Variants in CHD9 observed in about 807,000 individuals in gnomAD.
CHD9 encodes ATP-dependent chromatin remodeler CHD9.
A neutral mutation model predicts 316.1 loss-of-function variants in CHD9; 77 were observed. The ratio of observed to expected loss-of-function variants is 0.24; its 90% CI spans 0.20 to 0.29. The LOEUF is 0.29. Among genes scored for constraint, CHD9 ranks in the 10% least tolerant of loss-of-function variants. The pLI is 1.00. For synonymous variants in CHD9, 1,129 were observed against 1,158.3 expected, an observed-to-expected ratio of 0.97 and a Z score of 0.51; for missense variants, 2,763 against 3,438.1, an observed-to-expected ratio of 0.80 and a Z score of 4.91.
At chr16:53,215,165 C>T (rs1229482219) in intron 3 of CHD9, among the ~76,000 whole-genome samples, 1 of 152,182 alleles carries the variant, frequency 6.6e-6, no homozygotes, top group South Asian at 2.1e-4. Context: ...ATCCGCCTGC[C>T]TCGGCCTCCC....
At chr16:53,195,763 C>CTTTTTTTTT (rs553431442) in intron 2 of CHD9, among the ~76,000 whole-genome samples, 1 of 125,724 alleles carries the variant, frequency 8.0e-6, no homozygotes, top group African/African-American at 3.0e-5. Context: ...TCAATGTATG[C>CTTTTTTTTT]TTTTTTTTTT....
intron 1 of CHD9, among the ~76,000 whole-genome samples, chr16:53,062,418 A>T (rs1014173021): frequency 2.0e-5 from 3 of 152,318 alleles, no homozygotes; most frequent in Non-Finnish European, 2.9e-5. Context: ...AAAAATATTA[A>T]ATAAGAGTAT....
chr16:53,321,486 G>A (rs1169639852), intron 37 of CHD9, 40 bp from the exon 38 acceptor site: 1 of 1,485,980 alleles, frequency 6.7e-7, no homozygotes, highest in Non-Finnish European at 9.0e-7. Flanking sequence ...AGTTTTCTAT[G>A]TAACAGTGTT....
chr16:53,126,803 C>T (rs565124134), intron 1 of CHD9, among the ~76,000 whole-genome samples: 6 of 151,978 alleles, frequency 3.9e-5, no homozygotes, highest in Non-Finnish European at 7.4e-5. Flanking sequence ...CTCAGCCTCC[C>T]GAGTAGCTAG....
chr16:53,254,930 A>G (rs527731281), intron 18 of CHD9, among the ~76,000 whole-genome samples: 92 of 152,304 alleles, frequency 6.0e-4, no homozygotes, highest in African/African-American at 2.0e-3. Flanking sequence ...GTGTCAATCT[A>G]CTAGCATTGG....
intron 1 of CHD9, among the ~76,000 whole-genome samples, chr16:53,076,000 C>T (rs745326462): frequency 1.3e-5 from 2 of 152,050 alleles, no homozygotes; most frequent in Non-Finnish European, 2.9e-5. Context: ...ATTTCCATTT[C>T]CCTAATAATT....
chr16:53,126,225 T>A (rs1349450941), intron 1 of CHD9, among the ~76,000 whole-genome samples: 1 of 152,232 alleles, frequency 6.6e-6, no homozygotes, highest in African/African-American at 2.4e-5. Context: ...TTGTTTTGTG[T>A]GGTGTGAGGT....
chr16:53,232,488 T>C (rs1385710295), intron 10 of CHD9, among the ~76,000 whole-genome samples: 1 of 152,182 alleles, frequency 6.6e-6, no homozygotes, highest in African/African-American at 2.4e-5. Context: ...AATGTAAAAT[T>C]GATGACAACA....
At chr16:53,144,622 G>A (rs370729880) in intron 1 of CHD9, among the ~76,000 whole-genome samples, 2 of 151,458 alleles carry the variant, frequency 1.3e-5, no homozygotes, top group African/African-American at 2.4e-5. Flanking sequence ...TCTGCCTCCC[G>A]GGTTCAAGCG....
chr16:53,198,011 C>T (rs1312492727), intron 2 of CHD9, among the ~76,000 whole-genome samples: 1 of 152,054 alleles, frequency 6.6e-6, no homozygotes, highest in African/African-American at 2.4e-5. Flanking sequence ...CGGAAACCCT[C>T]TCCCTTCCTA....
In CHD9 at chr16:53,209,693, C is replaced by T; in HGVS notation, c.1664C>T (p.Pro555Leu). ...IPRVMSPENF[P>L]TASVEGKEEK... ...CGAGTAATGAGCCCTGAAAACTTTC[C>T]TACTGCTTCAGTTGAAGGAAAAGAG... is the stretch of plus-strand genomic sequence containing the variant. Residue 555 changes from proline (P) to leucine (L), a missense_variant, in exon 3 of 39, where the codon CCT becomes CTT. By Grantham distance (98) the Pro-to-Leu change is moderately conservative. Coordinates refer to ENST00000447540, the MANE Select transcript of CHD9 (RefSeq NM_001308319.2). 1 of 1,613,796 alleles carries T rather than the reference C, an allele frequency of 6.2e-7. No individual in the cohort carries two copies. The highest frequency in any genetic ancestry group is 1.7e-5 in the Admixed American group (1 of 60,014).
intron 21 of CHD9, 88 bp from the exon 22 acceptor site, chr16:53,267,839 T>A: frequency 8.4e-7 from 1 of 1,190,210 alleles, no homozygotes; most frequent in Non-Finnish European, 1.2e-6. Context: ...GACAATTTTT[T>A]AAAGTTTTTC....
intron 26 of CHD9, 130 bp from the exon 27 acceptor site, chr16:53,287,827 T>C: frequency 1.4e-6 from 1 of 696,214 alleles, no homozygotes; most frequent in Non-Finnish European, 2.5e-6. Context: ...TGTCTTGGGC[T>C]CTTCTGGCTA....
intron 1 of CHD9, among the ~76,000 whole-genome samples, chr16:53,057,455 C>T (rs2032298298): frequency 6.6e-6 from 1 of 151,910 alleles, no homozygotes; most frequent in Non-Finnish European, 1.5e-5. Flanking sequence ...GAGTTCGAGA[C>T]CAGCCTGGCC....
chr16:53,228,355 T>G lies in CHD9; in HGVS notation c.2169-628T>G, dbSNP rs944158523. ...GACTCCATCTCTTTAAAAAAAAAAGTTTTTTTTTTCCTGATCTTTAGGTTT... is the reference window on the plus strand; with the variant it reads ...GACTCCATCTCTTTAAAAAAAAAAGGTTTTTTTTTCCTGATCTTTAGGTTT... On this transcript the variant is annotated intron_variant, in intron 7 of 38. Transcript: ENST00000447540. Among the ~76,000 whole-genome samples the G allele has an allele frequency of 1.8e-4, 27 of 148,234 alleles. No individual in the cohort carries two copies. In the South Asian group the frequency reaches 3.0e-3, roughly 16 times the overall value.
rs564702784 is a variant in CHD9, at chr16:53,297,619, G to T, written c.5713+461G>T. Among the ~76,000 whole-genome samples the T allele has an allele frequency of 2.0e-5, 3 of 152,272 alleles. No homozygotes were observed. In the South Asian group the frequency reaches 6.2e-4, roughly 32 times the overall value. On this transcript the variant is annotated intron_variant, in intron 30 of 38. Transcript: ENST00000447540. ...CTTCACAAAAGACTACTAAGCAGAG[G>T]CATTGATGCAACTCAACTAAGGAAT...
At position 53,305,066 on chromosome 16, in the gene CHD9, T is replaced by A. The variant is rs905458397; in HGVS notation, c.6619+441T>A. 5.5e-4 allele frequency among the ~76,000 whole-genome samples: 84 copies of A among 151,544 alleles called. 1 individual carries two copies. The highest frequency in any genetic ancestry group is 2.3e-3 in the Admixed American group (35 of 15,210). ...TTAAGGATGTTTAAAATTGTTTGCTTACAGTGTTTTTTTGAAACGGAGTCT... is the reference window on the plus strand; with the variant it reads ...TTAAGGATGTTTAAAATTGTTTGCTAACAGTGTTTTTTTGAAACGGAGTCT... On this transcript the variant is annotated intron_variant, in intron 31 of 38. Transcript: ENST00000447540.
At chr16:53,318,926 A>C (rs945201218) in intron 37 of CHD9, among the ~76,000 whole-genome samples, 5 of 152,220 alleles carry the variant, frequency 3.3e-5, no homozygotes, top group Non-Finnish European at 7.3e-5. Flanking sequence ...TATCAAAATC[A>C]TCATATTACA....
Position 53,231,356 on chromosome 16 carries a change from C to T in CHD9, c.2287-63C>T, listed in dbSNP as rs1310377822. On this transcript the variant is annotated intron_variant, in intron 8 of 38. Coordinates refer to ENST00000447540, the MANE Select transcript of CHD9 (RefSeq NM_001308319.2). Reference sequence around the variant, plus strand: ...GTCTATAGTGAAATGCTAGTAAATTCGTCCTTACTTTTATCATTCCAGTTC... The same window carrying T: ...GTCTATAGTGAAATGCTAGTAAATTTGTCCTTACTTTTATCATTCCAGTTC... The T allele has an allele frequency of 1.7e-5, 15 of 875,384 alleles. 1 individual carries two copies. The highest frequency in any genetic ancestry group is 7.8e-5 in the South Asian group (5 of 64,496). 54.2% of individuals were successfully genotyped at this position (875,384 alleles called of 1,614,324 possible).
Sources: allele counts gnomAD v4.1 joint callset (sites outside exome capture counted in the v4.1 genomes callset), GRCh38; gene constraint gnomAD v4.1.1; transcripts MANE v1.5; gene names NCBI Gene and HGNC (gene_info 2026-07-23, HGNC 2026-07-21).